Variants in CNTLN observed in about 807,000 individuals in gnomAD.
CNTLN encodes the protein centlein, centrosomal protein.
CNTLN carries 212 observed loss-of-function variants against 180.0 expected under a neutral mutation model. That is an observed-to-expected ratio of 1.18 (90% confidence interval 1.05 to 1.32). The LOEUF (loss-of-function observed/expected upper bound fraction) is 1.32. Ranked by LOEUF, CNTLN falls within the 40% of genes most tolerant of loss-of-function variation. The probability of loss-of-function intolerance (pLI) is 0.00; values close to 1 mark genes in which losing one functional copy is unlikely to be tolerated. For synonymous variants in CNTLN, 722 were observed against 563.1 expected, an observed-to-expected ratio of 1.28 and a Z score of -3.99; for missense variants, 2,095 against 1,610.9, an observed-to-expected ratio of 1.30 and a Z score of -5.14.
intron 12 of CNTLN, among the ~76,000 whole-genome samples, chr9:17,362,506 C>T (rs1352170322): frequency 1.0e-5 from 1 of 98,616 alleles, no homozygotes; most frequent in Non-Finnish European, 2.3e-5. Context: ...AAAGTGTAAA[C>T]ATTATTTTTT....
chr9:17,513,332 G>A, the CNTLN span, among the ~76,000 whole-genome samples: 1 of 151,566 alleles, frequency 6.6e-6, no homozygotes, highest in African/African-American at 2.4e-5. Context: ...CTATTTAAAA[G>A]AGAATTAATA....
chr9:17,462,774 T>C, intron 19 of CNTLN, 142 bp from the exon 20 acceptor site: 1 of 400,684 alleles, frequency 2.5e-6, no homozygotes, highest in South Asian at 8.1e-5. Flanking sequence ...AATAAAGCAT[T>C]TAAAATATTA....
At chr9:17,504,230 G>T (rs1182423030), downstream of CNTLN, among the ~76,000 whole-genome samples, 2 of 152,122 alleles carry the variant, frequency 1.3e-5, no homozygotes, top group Non-Finnish European at 2.9e-5. Flanking sequence ...GCGAAGCATT[G>T]TGTTTATTAT....
intron 2 of CNTLN, among the ~76,000 whole-genome samples, chr9:17,211,837 C>A (rs1823338628): frequency 6.6e-6 from 1 of 152,098 alleles, no homozygotes; most frequent in South Asian, 2.1e-4. Flanking sequence ...GGAGTTCACT[C>A]ATGATTTGGC....
At chr9:17,302,120 A>ACT in intron 7 of CNTLN, 1 of 742,718 alleles carries the variant, frequency 1.3e-6, no homozygotes, top group Non-Finnish European at 1.5e-6. Flanking sequence ...ACACACACAC[A>ACT]GACACACACA....
chr9:17,135,450 C>G (rs749223049), intron 1 of CNTLN, 25 bp downstream of exon 1: 13 of 1,575,030 alleles, frequency 8.3e-6, no homozygotes, highest in Middle Eastern at 1.7e-4. Context: ...CGCAGTCCCC[C>G]TTTCCCCACC....
At chr9:17,417,046 A>C (rs1418049450) in intron 18 of CNTLN, among the ~76,000 whole-genome samples, 2 of 152,094 alleles carry the variant, frequency 1.3e-5, no homozygotes, top group Non-Finnish European at 2.9e-5. Flanking sequence ...TTGTGTTCTG[A>C]CTTTATTCCC....
At chr9:17,188,579 G>A (rs1433381502) in intron 2 of CNTLN, among the ~76,000 whole-genome samples, 1 of 152,100 alleles carries the variant, frequency 6.6e-6, no homozygotes, top group African/African-American at 2.4e-5. Flanking sequence ...TTCAGTGAAA[G>A]GATCTTAGGC....
chr9:17,214,019 C>T (rs919292268), intron 2 of CNTLN, among the ~76,000 whole-genome samples: 1 of 152,140 alleles, frequency 6.6e-6, no homozygotes, highest in Non-Finnish European at 1.5e-5. Context: ...ATTTGCCAGT[C>T]TGTGTCTTTT....
At chr9:17,495,828 C>G (rs1003804766) in intron 25 of CNTLN, among the ~76,000 whole-genome samples, 2 of 152,116 alleles carry the variant, frequency 1.3e-5, no homozygotes, top group East Asian at 1.9e-4. Context: ...ATAAAGTCTT[C>G]TATACCATAT....
At chr9:17,281,057 C>A (rs1889087) in intron 6 of CNTLN, among the ~76,000 whole-genome samples, 5,626 of 152,184 alleles carry the variant, frequency 0.037, 295 homozygotes, top group East Asian at 0.25. Flanking sequence ...AAAAAAAGTT[C>A]CTGCTCTCAC....
At chr9:17,136,927 C>G (rs377408866) in intron 1 of CNTLN, among the ~76,000 whole-genome samples, 2 of 151,866 alleles carry the variant, frequency 1.3e-5, no homozygotes, top group African/African-American at 4.8e-5. Flanking sequence ...CTAAGACACT[C>G]TTTGGCATAT....
chr9:17,430,295 T>A (rs1829340491), intron 18 of CNTLN, among the ~76,000 whole-genome samples: 1 of 152,040 alleles, frequency 6.6e-6, no homozygotes, highest in Non-Finnish European at 1.5e-5. Flanking sequence ...AAACTACTCT[T>A]TTCAATTGTC....
At chr9:17,419,405 G>A (rs945388540) in intron 18 of CNTLN, among the ~76,000 whole-genome samples, 3 of 152,004 alleles carry the variant, frequency 2.0e-5, no homozygotes, top group Non-Finnish European at 4.4e-5. Flanking sequence ...GTATGTATCC[G>A]TTGCCACAGG....
intron 18 of CNTLN, among the ~76,000 whole-genome samples, chr9:17,442,913 T>G (rs1020120949): frequency 4.6e-5 from 7 of 152,136 alleles, no homozygotes; most frequent in African/African-American, 1.7e-4. Context: ...AGGTAAAAAT[T>G]TTCTGATAAA....
chr9:17,488,992 G>C (rs1056665715), intron 25 of CNTLN, among the ~76,000 whole-genome samples: 3 of 151,968 alleles, frequency 2.0e-5, no homozygotes, highest in Admixed American at 6.6e-5. Context: ...AAAAGTCAAA[G>C]ACTTTTTATT....
intron 18 of CNTLN, among the ~76,000 whole-genome samples, chr9:17,451,422 T>G (rs1830769858): frequency 6.6e-6 from 1 of 152,214 alleles, no homozygotes; most frequent in Non-Finnish European, 1.5e-5. Flanking sequence ...TAGTCTTAAG[T>G]CAGTCCTAAG....
intron 23 of CNTLN, among the ~76,000 whole-genome samples, chr9:17,474,466 C>T (rs1241676287): frequency 6.6e-6 from 1 of 152,182 alleles, no homozygotes; most frequent in Non-Finnish European, 1.5e-5. Context: ...CCTGTCACCA[C>T]TGCTGTGGTT....
chr9:17,495,295 G>A lies in CNTLN; in HGVS notation c.4120-7256G>A, dbSNP rs538597453. Among the ~76,000 whole-genome samples the A allele has an allele frequency of 1.8e-4, 28 of 152,076 alleles. No homozygotes were observed. The South Asian group carries it at 2.3e-3, about 12-fold the overall frequency. On this transcript the variant is annotated intron_variant, in intron 25 of 25. Coordinates refer to ENST00000380647, the MANE Select transcript of CNTLN (RefSeq NM_017738.4). ...CCTTCAGGAGGTATTCCAGAAGAAG[G>A]CATTGTTAACATAGGAGGTGACAGC...
Sources: gnomAD v4.1 joint callset for allele counts (sites outside exome capture counted in the v4.1 genomes callset) on GRCh38, gnomAD v4.1.1 for gene constraint, MANE v1.5 for transcripts, NCBI Gene and HGNC (gene_info 2026-07-23, HGNC 2026-07-21) for gene names.